AGBL4: variants seen among roughly 807,000 people sequenced by gnomAD.
AGBL4 encodes cytosolic carboxypeptidase 6.
In AGBL4, 58 loss-of-function variants were observed where a neutral mutation model predicts 66.4. The ratio of observed to expected loss-of-function variants is 0.87; its 90% confidence interval spans 0.71 to 1.09. The LOEUF (loss-of-function observed/expected upper bound fraction) is 1.09, where lower values mean the gene tolerates loss of function less well. AGBL4 is among the 50% of genes least tolerant of loss of function. The pLI is 0.00. For synonymous variants in AGBL4, 234 were observed against 222.9 expected, an observed-to-expected ratio of 1.05 and a Z score of -0.44; for missense variants, 579 against 631.0, an observed-to-expected ratio of 0.92 and a Z score of 0.88.
intron 3 of AGBL4, among the ~76,000 whole-genome samples, chr1:49,521,510 T>A (rs185877165): frequency 1.7e-4 from 26 of 151,858 alleles, no homozygotes; most frequent in African/African-American, 6.0e-4. Context: ...CCTACACCCA[T>A]CTGATCTTCA....
intron 8 of AGBL4, among the ~76,000 whole-genome samples, chr1:48,643,867 C>T (rs1411356709): frequency 2.0e-5 from 3 of 152,128 alleles, no homozygotes; most frequent in Non-Finnish European, 2.9e-5. Flanking sequence ...TTCTCTCTGC[C>T]ACATGGTGTG....
At chr1:49,006,728 T>C (rs1221341629) in intron 5 of AGBL4, among the ~76,000 whole-genome samples, 75 of 150,992 alleles carry the variant, frequency 5.0e-4, no homozygotes, top group South Asian at 1.1e-3. Flanking sequence ...CCCTGACCCC[T>C]GAGCAGCCTA....
At chr1:48,734,885 A>T (rs778915523) in intron 6 of AGBL4, among the ~76,000 whole-genome samples, 1 of 152,208 alleles carries the variant, frequency 6.6e-6, no homozygotes, top group Admixed American at 6.5e-5. Flanking sequence ...TGACTGACTG[A>T]GTCTTACTTT....
intron 6 of AGBL4, among the ~76,000 whole-genome samples, chr1:48,793,440 T>G (rs1378576708): frequency 6.6e-6 from 1 of 152,196 alleles, no homozygotes. Flanking sequence ...GGTTTATCCA[T>G]GTCAGGTACT....
At position 48,773,667 on chromosome 1, in the gene AGBL4, G is replaced by A. The variant is rs1644942126; in HGVS notation, c.634+93524C>T. 2.0e-5 allele frequency among the ~76,000 whole-genome samples: 3 copies of A among 152,158 alleles called. No homozygotes were observed. The South Asian group carries it at 6.2e-4, about 32-fold the overall frequency. On this transcript the variant is annotated intron_variant, in intron 6 of 13. Coordinates refer to ENST00000371839, the MANE Select transcript of AGBL4 (RefSeq NM_032785.4). ...TTCCAAATCATGCTGTGTAGCTGAT[G>A]GGAACATCGGCTACTTTACAAAGGA...
intron 3 of AGBL4, among the ~76,000 whole-genome samples, chr1:49,348,546 T>G (rs1570490432): frequency 6.6e-6 from 1 of 152,180 alleles, no homozygotes; most frequent in South Asian, 2.1e-4. Context: ...CGACCCGCAG[T>G]CACAAGCCAA....
chr1:48,935,001 C>A (rs1655334237), intron 5 of AGBL4, among the ~76,000 whole-genome samples: 1 of 152,156 alleles, frequency 6.6e-6, no homozygotes, highest in Non-Finnish European at 1.5e-5. Flanking sequence ...TTCATTCATT[C>A]ATTCAACAAA....
intron 1 of AGBL4, among the ~76,000 whole-genome samples, chr1:49,916,490 G>C (rs1029319808): frequency 6.6e-6 from 1 of 152,190 alleles, no homozygotes; most frequent in African/African-American, 2.4e-5. Flanking sequence ...ATCAGTGATT[G>C]AAGATCAAAT....
At chr1:48,976,637 A>G (rs1221908289) in intron 5 of AGBL4, among the ~76,000 whole-genome samples, 1 of 152,156 alleles carries the variant, frequency 6.6e-6, no homozygotes, top group African/African-American at 2.4e-5. Flanking sequence ...CATAGCAGTG[A>G]TAGGCTCATG....
At chr1:49,375,863 C>CA (rs1644462256) in intron 3 of AGBL4, among the ~76,000 whole-genome samples, 1 of 152,112 alleles carries the variant, frequency 6.6e-6, no homozygotes, top group Admixed American at 6.6e-5. Flanking sequence ...CCTTTCTCGA[C>CA]AGAGTCTGAC....
chr1:48,639,329 A>T (rs1054442987), intron 8 of AGBL4, among the ~76,000 whole-genome samples: 2 of 152,222 alleles, frequency 1.3e-5, no homozygotes, highest in Non-Finnish European at 2.9e-5. Flanking sequence ...TGAACAAAAC[A>T]TCTTAGTAAA....
chr1:49,874,805 TA>T (rs1323844396), intron 1 of AGBL4, among the ~76,000 whole-genome samples: 8 of 152,094 alleles, frequency 5.3e-5, no homozygotes, highest in East Asian at 1.9e-4. Flanking sequence ...TTATTTCTAT[TA>T]TTTTTTTGTT....
At chr1:49,923,473 T>C (rs551801863) in intron 1 of AGBL4, among the ~76,000 whole-genome samples, 15 of 151,914 alleles carry the variant, frequency 9.9e-5, no homozygotes, top group Middle Eastern at 3.4e-3. Flanking sequence ...GTGACCTAAG[T>C]AAACTAAAGA....
At position 49,863,629 on chromosome 1, in the gene AGBL4, A is replaced by C. The variant is rs973896261; in HGVS notation, c.35-12111T>G. Among the ~76,000 whole-genome samples, 13 of 152,364 alleles carry C rather than the reference A, an allele frequency of 8.5e-5. No individual in the cohort carries two copies. The East Asian group carries it at 1.9e-3, about 23-fold the overall frequency. On this transcript the variant is annotated intron_variant, in intron 1 of 13. Coordinates refer to ENST00000371839, the MANE Select transcript of AGBL4 (RefSeq NM_032785.4). ...AATCAAAAGATGGGCAAAGATTTGA[A>C]TAGGCATTTTGGAAAAGAAGACATA...
intron 5 of AGBL4, among the ~76,000 whole-genome samples, chr1:49,027,462 C>A (rs1454091858): frequency 1.3e-5 from 2 of 152,058 alleles, no homozygotes; most frequent in African/African-American, 2.4e-5. Flanking sequence ...CGTGCCCAGC[C>A]TAAAAATTAT....
intron 3 of AGBL4, among the ~76,000 whole-genome samples, chr1:49,328,785 A>G (rs1209741271): frequency 6.6e-6 from 1 of 152,102 alleles, no homozygotes; most frequent in East Asian, 1.9e-4. Flanking sequence ...CCTCCCCAAC[A>G]AACCAACTCC....
chr1:48,529,496 T>C (rs138365166), downstream of AGBL4, among the ~76,000 whole-genome samples: 61 of 152,286 alleles, frequency 4.0e-4, 1 homozygote, highest in East Asian at 0.011. Context: ...CCCAAAGCCA[T>C]ACAGCTTAAC....
At chr1:49,076,393 G>T (rs1402637935) in intron 4 of AGBL4, among the ~76,000 whole-genome samples, 2 of 152,092 alleles carry the variant, frequency 1.3e-5, no homozygotes, top group Non-Finnish European at 1.5e-5. Context: ...TGTACTTATT[G>T]TTGTATTGTT....
In AGBL4 at chr1:49,849,045, T is replaced by C. The variant is rs955391043; in HGVS notation, c.157+2351A>G. On this transcript the variant is annotated intron_variant, in intron 2 of 13. Transcript: ENST00000371839. ...ACATGGTTAAAAAAAGGTGGGGGGA[T>C]GAGTTCAGGGATTCAAACTCCCAGC... 2.0e-5 allele frequency among the ~76,000 whole-genome samples: 3 copies of C among 152,118 alleles called. No homozygotes were observed. In the South Asian group the frequency reaches 6.2e-4, roughly 32 times the overall value.
Sources: gnomAD v4.1 joint callset for allele counts (sites outside exome capture counted in the v4.1 genomes callset) on GRCh38, gnomAD v4.1.1 for gene constraint, MANE v1.5 for transcripts, NCBI Gene and HGNC (gene_info 2026-07-23, HGNC 2026-07-21) for gene names.